The following METTL8 variants were observed in gnomAD, a reference collection of about 807,000 sequenced individuals.
METTL8 encodes tRNA N(3)-cytidine methyltransferase METTL8, mitochondrial.
METTL8 carries 32 observed loss-of-function variants against 48.7 expected under a neutral mutation model. The observed-to-expected ratio is 0.66, with a 90% CI of 0.50 to 0.88. The LOEUF is 0.88. Among genes scored for constraint, METTL8 ranks in the 40% least tolerant of loss-of-function variants. The pLI is 0.00. For missense variants in METTL8, 464 were observed against 474.4 expected, an observed-to-expected ratio of 0.98 and a Z score of 0.20; for synonymous variants, 136 against 157.1, an observed-to-expected ratio of 0.87 and a Z score of 1.01.
intron 2 of METTL8, among the ~76,000 whole-genome samples, chr2:171,369,681 G>A (rs1286147938): frequency 6.6e-6 from 1 of 152,178 alleles, no homozygotes; most frequent in African/African-American, 2.4e-5. Flanking sequence ...AGACCAAAAT[G>A]TTTGAAACTA....
intron 2 of METTL8, 147 bp from the exon 3 acceptor site, chr2:171,360,660 G>T (rs1685068941): frequency 1.5e-6 from 1 of 674,862 alleles, no homozygotes; most frequent in Admixed American, 3.0e-5. Context: ...TTTTGTGTAA[G>T]ATGTTCCTAC....
chr2:171,433,580 T>C (rs1468655885), intron 1 of METTL8, among the ~76,000 whole-genome samples: 5 of 152,216 alleles, frequency 3.3e-5, no homozygotes, highest in Non-Finnish European at 5.9e-5. Context: ...GTATATCTTT[T>C]ACTTAGAGAC....
intron 2 of METTL8, among the ~76,000 whole-genome samples, chr2:171,370,785 C>T (rs748872985): frequency 5.9e-5 from 9 of 151,920 alleles, no homozygotes; most frequent in African/African-American, 2.2e-4. Flanking sequence ...AGTGAGACTC[C>T]GTCTCAAAAA....
At chr2:171,358,862 A>C (rs1295702314) in intron 3 of METTL8, among the ~76,000 whole-genome samples, 1 of 152,228 alleles carries the variant, frequency 6.6e-6, no homozygotes, top group Non-Finnish European at 1.5e-5. Flanking sequence ...GCAAAGAAAC[A>C]ATCAACAAAG....
intron 9 of METTL8, among the ~76,000 whole-genome samples, chr2:171,324,799 C>T (rs1345912534): frequency 3.9e-5 from 6 of 152,160 alleles, no homozygotes; most frequent in Non-Finnish European, 7.3e-5. Context: ...TGGTGGCTCA[C>T]GCCTGTAATC....
At chr2:171,409,613 G>T (rs1041053030) in intron 1 of METTL8, among the ~76,000 whole-genome samples, 1 of 152,050 alleles carries the variant, frequency 6.6e-6, no homozygotes, top group South Asian at 2.1e-4. Flanking sequence ...AAGTAGACAC[G>T]GCATAGATGG....
rs549323384 is a variant in METTL8, at chr2:171,397,008, G to C, written c.-12-4811C>G. Among the ~76,000 whole-genome samples, 857 of 146,480 alleles carry C rather than the reference G, an allele frequency of 5.9e-3. 7 individuals carry two copies. Among genetic ancestry groups the C allele is most frequent in the Non-Finnish European group, 8.4e-3 (564 of 67,090 alleles). On this transcript the variant is annotated intron_variant, in intron 1 of 9. Coordinates refer to ENST00000375258, the MANE Select transcript of METTL8 (RefSeq NM_001321154.2). ...CTGGCTACTTTTTTTTTTTTTTTAA[G>C]AGAGGGTCTCCCTATGTTGCCCAGG...
chr2:171,420,279 T>C (rs1381428351), intron 1 of METTL8, among the ~76,000 whole-genome samples: 2 of 152,218 alleles, frequency 1.3e-5, no homozygotes, highest in South Asian at 2.1e-4. Context: ...CTAGAACTTG[T>C]AGCTTTTGAC....
intron 2 of METTL8, among the ~76,000 whole-genome samples, chr2:171,383,490 G>A (rs1277500939): frequency 6.6e-6 from 1 of 151,992 alleles, no homozygotes; most frequent in African/African-American, 2.4e-5. Flanking sequence ...AAACTGTACT[G>A]GAAACTTTTG....
Position 171,339,386 on chromosome 2 carries a change from G to A in METTL8, c.404C>T (p.Thr135Ile), listed in dbSNP as rs1026282136. The change falls in exon 4 of 10, where the codon ACT becomes ATT. Residue 135 changes from threonine to isoleucine, a missense_variant. By Grantham distance (89) the Thr-to-Ile change is moderately conservative. Transcript: ENST00000375258. ...ARESSWDHVK[T>I]SATNRFSRMH... ...TCTTGAGAAACGATTTGTAGCACTA[G>A]TTTTTACATGATCCCATGATGATTC... 12 of 1,613,160 alleles carry A rather than the reference G, an allele frequency of 7.4e-6. No individual in the cohort carries two copies. Among genetic ancestry groups the A allele is most frequent in the Non-Finnish European group, 1.0e-5 (12 of 1,179,530 alleles).
chr2:171,427,921 G>A (rs1692582068), intron 1 of METTL8, among the ~76,000 whole-genome samples: 1 of 152,152 alleles, frequency 6.6e-6, no homozygotes, highest in African/African-American at 2.4e-5. Context: ...CTATAGCTTA[G>A]TTAAAATTTG....
At chr2:171,341,390 T>A (rs1409563063) in intron 3 of METTL8, among the ~76,000 whole-genome samples, 1 of 151,788 alleles carries the variant, frequency 6.6e-6, no homozygotes, top group East Asian at 1.9e-4. Flanking sequence ...CAAACATGTC[T>A]TTTATTTATT....
intron 1 of METTL8, among the ~76,000 whole-genome samples, chr2:171,416,596 TA>T (rs1691339192): frequency 6.6e-6 from 1 of 152,264 alleles, no homozygotes; most frequent in African/African-American, 2.4e-5. Flanking sequence ...CATTAGCCTT[TA>T]CTCTGGTTGA....
upstream of METTL8, chr2:171,434,179 G>GGGCAAGCCCT (rs937999491): frequency 5.3e-6 from 2 of 377,330 alleles, no homozygotes; most frequent in African/African-American, 4.2e-5. Flanking sequence ...AGGCAGGGCC[G>GGGCAAGCCCT]GGCAAGCCCT....
intron 1 of METTL8, among the ~76,000 whole-genome samples, chr2:171,417,874 T>C (rs1559208656): frequency 6.6e-6 from 1 of 152,204 alleles, no homozygotes; most frequent in Non-Finnish European, 1.5e-5. Flanking sequence ...CCATACTTTA[T>C]TCAATTTCCT....
chr2:171,377,350 C>T (rs1687077695), intron 2 of METTL8, among the ~76,000 whole-genome samples: 1 of 151,866 alleles, frequency 6.6e-6, no homozygotes, highest in South Asian at 2.1e-4. Context: ...AATATAACAA[C>T]AAAAAATAAA....
At chr2:171,405,784 T>C (rs948468648) in intron 1 of METTL8, among the ~76,000 whole-genome samples, 1 of 152,158 alleles carries the variant, frequency 6.6e-6, no homozygotes, top group Non-Finnish European at 1.5e-5. Flanking sequence ...ATGTGAGGTA[T>C]CTAGAACAAC....
chr2:171,369,162 C>A (rs747758272), intron 2 of METTL8, among the ~76,000 whole-genome samples: 6 of 152,002 alleles, frequency 3.9e-5, no homozygotes, highest in Non-Finnish European at 8.8e-5. Context: ...AAAAATTAGC[C>A]GGGCATGGTG....
At chr2:171,403,251 C>A (rs1320310702) in intron 1 of METTL8, among the ~76,000 whole-genome samples, 1 of 152,084 alleles carries the variant, frequency 6.6e-6, no homozygotes, top group Non-Finnish European at 1.5e-5. Flanking sequence ...AAGGTTAACA[C>A]GAACAGTGAT....
Sources: gnomAD v4.1 joint callset for allele counts (sites outside exome capture counted in the v4.1 genomes callset) on GRCh38, gnomAD v4.1.1 for gene constraint, MANE v1.5 for transcripts, NCBI Gene and HGNC (gene_info 2026-07-23, HGNC 2026-07-21) for gene names.